CACNA1C: variants seen among roughly 807,000 people sequenced by gnomAD.
CACNA1C encodes the protein calcium voltage-gated channel subunit alpha1 C.
CACNA1C carries 30 observed loss-of-function variants against 229.0 expected under a neutral mutation model. The observed-to-expected ratio is 0.13, with a 90% CI of 0.10 to 0.18. The LOEUF (loss-of-function observed/expected upper bound fraction) is 0.18, where lower values mean the gene tolerates loss of function less well. CACNA1C is among the 10% of genes least tolerant of loss of function. The pLI is 1.00. For synonymous variants in CACNA1C, 1,114 were observed against 1,132.5 expected, an observed-to-expected ratio of 0.98 and a Z score of 0.33; for missense variants, 1,658 against 2,845.0, an observed-to-expected ratio of 0.58 and a Z score of 9.49.
intron 3 of CACNA1C, among the ~76,000 whole-genome samples, chr12:2,411,997 C>T (rs1001135535): frequency 7.2e-5 from 11 of 152,194 alleles, no homozygotes; most frequent in Non-Finnish European, 1.6e-4. Context: ...TTCTGGGCCC[C>T]AGAGCTGTCT....
rs768096981 is a variant in CACNA1C at position 2,115,459 on chromosome 12, C to T, written c.285C>T (p.Thr95=). Reference sequence around the variant, plus strand: ...GGAAACCCAAGAAGCAGGGCAGCACCACGGCCACACGCCCGCCCCGAGCCC... The same window carrying T: ...GGAAACCCAAGAAGCAGGGCAGCACTACGGCCACACGCCCGCCCCGAGCCC... ...QYGKPKKQGS[T]TATRPPRALL... is the part of the protein sequence containing the mutation. The change falls in exon 2 of 47, where the codon ACC becomes ACT. Residue 95 remains threonine (T), a synonymous_variant. Coordinates refer to ENST00000399655, the MANE Select transcript of CACNA1C (RefSeq NM_000719.7). 8.7e-6 allele frequency: 14 copies of T among 1,613,204 alleles called. 1 individual carries two copies. In the Admixed American group the frequency reaches 2.3e-4, roughly 27 times the overall value.
intron 9 of CACNA1C, among the ~76,000 whole-genome samples, chr12:2,528,014 A>G (rs564142013): frequency 6.6e-6 from 1 of 152,180 alleles, no homozygotes; most frequent in Non-Finnish European, 1.5e-5. Context: ...CCCTTAGTAA[A>G]CTAATTCTAT....
At position 2,053,897 on chromosome 12, in the gene CACNA1C, C is replaced by T. The variant is rs1216488113; in HGVS notation, c.49+286C>T. 1.3e-5 allele frequency among the ~76,000 whole-genome samples: 2 copies of T among 148,272 alleles called. No individual in the cohort carries two copies. Among genetic ancestry groups the T allele is most frequent in the East Asian group, 4.0e-4 (2 of 5,006 alleles). The stretch of plus-strand genomic sequence containing the variant: ...TTCCAGGCGAGGGGGGAAAAGTTCC[C>T]CAAGTGGCTGCCGCCGCCTCGCTTT... On this transcript the variant is annotated intron_variant, in intron 1 of 46. Coordinates refer to ENST00000399655, the MANE Select transcript of CACNA1C (RefSeq NM_000719.7). The surrounding 1 kb of genome is among the most constrained non-coding windows in gnomAD (Gnocchi z 5.8).
chr12:2,368,134 A>G (rs1460005651), intron 3 of CACNA1C, among the ~76,000 whole-genome samples: 2 of 151,762 alleles, frequency 1.3e-5, no homozygotes, highest in Non-Finnish European at 2.9e-5. Context: ...CATTTTAAAT[A>G]CAACTCTTAA....
At chr12:2,249,035 G>C (rs1349419890) in intron 3 of CACNA1C, among the ~76,000 whole-genome samples, 5 of 152,162 alleles carry the variant, frequency 3.3e-5, no homozygotes, top group African/African-American at 1.2e-4. Context: ...TTGATGTAGT[G>C]GTTGTCACGT....
intron 3 of CACNA1C, among the ~76,000 whole-genome samples, chr12:2,161,686 C>G (rs1171558541): frequency 6.6e-6 from 1 of 152,194 alleles, no homozygotes; most frequent in South Asian, 2.1e-4. Flanking sequence ...TGCTGTAGAA[C>G]AGGATGTGCG....
intron 37 of CACNA1C, among the ~76,000 whole-genome samples, chr12:2,667,681 G>A (rs553430959): frequency 2.6e-5 from 4 of 152,302 alleles, no homozygotes; most frequent in South Asian, 2.1e-4. Context: ...GCTAAAGTGC[G>A]TCCGTTGTGG....
chr12:2,581,492 G>A, intron 13 of CACNA1C, 98 bp from the exon 14 acceptor site: 1 of 1,114,118 alleles, frequency 9.0e-7, no homozygotes, highest in Non-Finnish European at 1.3e-6. Context: ...TAGAGTGGCA[G>A]CTCCTCTGAG....
intron 3 of CACNA1C, among the ~76,000 whole-genome samples, chr12:2,176,360 G>A (rs899287117): frequency 6.6e-6 from 1 of 152,158 alleles, no homozygotes; most frequent in African/African-American, 2.4e-5. Context: ...ACCATTTTCA[G>A]GGCCTTGGTT....
At chr12:2,025,385 T>C (rs1047968554) in intron 1 of CACNA1C, among the ~76,000 whole-genome samples, 10 of 152,042 alleles carry the variant, frequency 6.6e-5, no homozygotes, top group African/African-American at 2.4e-4. Flanking sequence ...ACCCTGGGTG[T>C]TGTGGTGTGT....
At chr12:2,339,082 G>A (rs772080139) in intron 3 of CACNA1C, among the ~76,000 whole-genome samples, 1 of 152,194 alleles carries the variant, frequency 6.6e-6, no homozygotes, top group Non-Finnish European at 1.5e-5. Context: ...GCGTTGTTAG[G>A]TGATTTCATC....
In CACNA1C at chr12:2,595,295, C is replaced by G. The variant is rs2067586402; in HGVS notation, c.2664-579C>G. ...AGATGATGACACCCATCCCTTCCTTCCTACATTGCTGTCAAGATGAGATGG... is the reference window on the plus strand; with the variant it reads ...AGATGATGACACCCATCCCTTCCTTGCTACATTGCTGTCAAGATGAGATGG... On this transcript the variant is annotated intron_variant, in intron 19 of 46. Coordinates refer to ENST00000399655, the MANE Select transcript of CACNA1C (RefSeq NM_000719.7). The surrounding 1 kb of genome is among the most constrained non-coding windows in gnomAD (Gnocchi z 4.1). Among the ~76,000 whole-genome samples the G allele has an allele frequency of 6.6e-6, 1 of 152,154 alleles. No homozygotes were observed. The highest frequency in any genetic ancestry group is 2.4e-5 in the African/African-American group (1 of 41,414).
In CACNA1C at chr12:2,396,007, G is replaced by A. The variant is rs1366540982; in HGVS notation, c.478-52969G>A. 2.6e-5 allele frequency among the ~76,000 whole-genome samples: 4 copies of A among 152,228 alleles called. No individual in the cohort carries two copies. The South Asian group carries it at 6.2e-4, about 24-fold the overall frequency. ...GAGTAGATTCCAGTCTACCTCACTG[G>A]AGCCTGGTGCCCGTCCCCATGGTCT... On this transcript the variant is annotated intron_variant, in intron 3 of 46. Transcript: ENST00000399655.
At chr12:2,576,587 ATTAACCCCTCTAG>A (rs2058476698) in intron 13 of CACNA1C, among the ~76,000 whole-genome samples, 2 of 152,172 alleles carry the variant, frequency 1.3e-5, no homozygotes, top group African/African-American at 4.8e-5. Context: ...TGAATGTGCC[ATTAACCCCTCTAG>A]TTTACCAACA....
intron 14 of CACNA1C, among the ~76,000 whole-genome samples, chr12:2,582,357 A>G (rs999533934): frequency 3.3e-5 from 5 of 152,220 alleles, no homozygotes; most frequent in Admixed American, 1.3e-4. Flanking sequence ...TCAAAGTGGC[A>G]TCTATTTAAG....
chr12:2,498,523 T>G (rs1383278451), intron 7 of CACNA1C, among the ~76,000 whole-genome samples: 1 of 152,278 alleles, frequency 6.6e-6, no homozygotes, highest in African/African-American at 2.4e-5. Context: ...TAATTTAATT[T>G]AGCAAACATT....
intron 39 of CACNA1C, among the ~76,000 whole-genome samples, chr12:2,675,330 G>A (rs956434098): frequency 1.3e-5 from 2 of 152,164 alleles, no homozygotes; most frequent in Admixed American, 6.5e-5. Context: ...ATCTTCTCAT[G>A]CACCCACTTA....
At position 2,346,125 on chromosome 12, in the gene CACNA1C, A is replaced by G. The variant is rs2097010763; in HGVS notation, c.478-102851A>G. The stretch of plus-strand genomic sequence containing the variant: ...CCCAGGTGCACCAGGAGCCTTCCCA[A>G]GACCTGGATCCGCTGCAAGGTGATA... On this transcript the variant is annotated intron_variant, in intron 3 of 46. Transcript: ENST00000399655. This position sits in a 1 kb window ranked among gnomAD's most constrained non-coding sequence, Gnocchi z 4.4. 6.6e-6 allele frequency among the ~76,000 whole-genome samples: 1 copy of G among 152,088 alleles called. No individual in the cohort carries two copies. Among genetic ancestry groups the G allele is most frequent in the East Asian group, 1.9e-4 (1 of 5,192 alleles).
intron 3 of CACNA1C, among the ~76,000 whole-genome samples, chr12:2,404,801 A>AT (rs77480424): frequency 0.09 from 13,662 of 152,054 alleles, 696 homozygotes; most frequent in Middle Eastern, 0.14. Flanking sequence ...TTGTGGCTGG[A>AT]TTTTTTTTGT....
Sources: allele counts gnomAD v4.1 joint callset (sites outside exome capture counted in the v4.1 genomes callset), GRCh38; gene constraint gnomAD v4.1.1; non-coding constraint Gnocchi (gnomAD v3.1); transcripts MANE v1.5; gene names NCBI Gene and HGNC (gene_info 2026-07-23, HGNC 2026-07-21).